GARRE1: variants seen among roughly 807,000 people sequenced by gnomAD.
GARRE1 encodes granule associated Rac and RHOG effector protein 1.
In GARRE1, 49 loss-of-function variants were observed where a neutral mutation model predicts 103.2. The ratio of observed to expected loss-of-function variants is 0.47; its 90% CI spans 0.38 to 0.60. The LOEUF (loss-of-function observed/expected upper bound fraction) is 0.60, where lower values mean the gene tolerates loss of function less well. GARRE1 is among the 20% of genes least tolerant of loss of function. The pLI is 0.00. For synonymous variants in GARRE1, 505 were observed against 532.8 expected (o/e 0.95, Z 0.72); for missense variants, 1,199 against 1,370.5 (o/e 0.87, Z 1.98).
chr19:34,320,589 C>T (rs966682181), intron 3 of GARRE1, among the ~76,000 whole-genome samples: 3 of 152,168 alleles, frequency 2.0e-5, no homozygotes, highest in African/African-American at 7.2e-5. Flanking sequence ...TGACAGGCTC[C>T]AAAGATACAA....
intron 3 of GARRE1, among the ~76,000 whole-genome samples, chr19:34,320,902 T>C (rs2074084578): frequency 7.0e-6 from 1 of 143,472 alleles, no homozygotes; most frequent in Non-Finnish European, 1.5e-5. Context: ...ATTATTATTA[T>C]TACTTTTTTT....
intron 1 of GARRE1, among the ~76,000 whole-genome samples, chr19:34,262,173 C>T (rs538008977): frequency 6.1e-5 from 9 of 147,654 alleles, no homozygotes; most frequent in African/African-American, 2.2e-4. Flanking sequence ...GTAATAGAGG[C>T]GGGGTTTCAC....
rs763240112 is a variant in GARRE1, at chr19:34,352,961, GGCCA to G, written c.*14_*17del. On this transcript the variant is annotated 3_prime_UTR_variant, in exon 14 of 14. Coordinates refer to ENST00000299505, the MANE Select transcript of GARRE1 (RefSeq NM_014686.5). ...CCTATCTGCCCCAGTACTGACCCCA[GGCCA>G]GCCAGCCTGCCTGCCTGCCTGCCTG... is the stretch of plus-strand genomic sequence containing the variant. 6.2e-4 allele frequency: 909 copies of G among 1,468,620 alleles called. 1 individual carries two copies. Among genetic ancestry groups the G allele is most frequent in the Non-Finnish European group, 7.7e-4 (854 of 1,114,962 alleles). 91.0% of individuals were successfully genotyped at this position (1,468,620 alleles called of 1,614,324 possible). A position where few individuals can be genotyped will look rare whatever the true frequency, so the allele number is the denominator to read the frequency against.
intron 1 of GARRE1, among the ~76,000 whole-genome samples, chr19:34,283,439 C>T (rs2073866839): frequency 6.6e-6 from 1 of 152,178 alleles, no homozygotes; most frequent in Non-Finnish European, 1.5e-5. Context: ...AGGCCTGCTT[C>T]CTTTGCTTGC....
chr19:34,335,805 C>T (rs1459410117), intron 8 of GARRE1, among the ~76,000 whole-genome samples: 2 of 152,058 alleles, frequency 1.3e-5, no homozygotes, highest in Admixed American at 6.6e-5. Flanking sequence ...GGTTTACAGG[C>T]GTGAGTCACC....
intron 2 of GARRE1, among the ~76,000 whole-genome samples, chr19:34,308,238 CTTTTTTT>C (rs753284001): frequency 4.0e-5 from 4 of 99,510 alleles, no homozygotes; most frequent in East Asian, 2.8e-4. Flanking sequence ...CATCCTGTTC[CTTTTTTT>C]TTTTTTTTTT....
chr19:34,339,715 C>A, intron 8 of GARRE1, 152 bp from the exon 9 acceptor site: 2 of 831,000 alleles, frequency 2.4e-6, no homozygotes, highest in South Asian at 1.7e-5. Context: ...GTTCCAGGAT[C>A]AGCCCTGTTG....
At chr19:34,296,564 G>A in intron 1 of GARRE1, 3 of 1,592,692 alleles carry the variant, frequency 1.9e-6, no homozygotes, top group Admixed American at 1.7e-5. Flanking sequence ...CCTTGGCATT[G>A]TTGGCCTGCA....
At position 34,329,284 on chromosome 19, in the gene GARRE1, T is replaced by TTGAGA. The variant is rs373036895; in HGVS notation, c.1105-903_1105-899dup. Among the ~76,000 whole-genome samples, 288 of 152,350 alleles carry TTGAGA rather than the reference T, an allele frequency of 1.9e-3. 1 individual carries two copies. The highest frequency in any genetic ancestry group is 6.7e-3 in the African/African-American group (280 of 41,578). ...GACTACTTGGTCATCCAAAATAAAA[T>TTGAGA]TGAGATTTTAATTAGTATTTACTTG... On this transcript the variant is annotated intron_variant, in intron 6 of 13. Transcript: ENST00000299505.
intron 3 of GARRE1, among the ~76,000 whole-genome samples, chr19:34,322,611 G>A (rs763751902): frequency 3.3e-5 from 5 of 151,472 alleles, no homozygotes; most frequent in South Asian, 2.1e-4. Flanking sequence ...TTTTTGAGAC[G>A]GAGTCTTGCT....
At chr19:34,293,593 C>T (rs1051949244) in intron 1 of GARRE1, among the ~76,000 whole-genome samples, 1 of 150,570 alleles carries the variant, frequency 6.6e-6, no homozygotes, top group African/African-American at 2.4e-5. Flanking sequence ...GACAGGGTTT[C>T]GCCATGTTGC....
At chr19:34,284,894 GATAATA>G (rs1599755407) in intron 1 of GARRE1, among the ~76,000 whole-genome samples, 1 of 152,020 alleles carries the variant, frequency 6.6e-6, no homozygotes, top group African/African-American at 2.4e-5. Context: ...TTAAAATAAT[GATAATA>G]ATAATAATTA....
intron 1 of GARRE1, among the ~76,000 whole-genome samples, chr19:34,288,589 A>G (rs750533097): frequency 6.6e-6 from 1 of 152,156 alleles, no homozygotes; most frequent in Non-Finnish European, 1.5e-5. Context: ...TCTACCTCTC[A>G]TATAGTGGAA....
chr19:34,313,577 C>T (rs1160556836), intron 2 of GARRE1, among the ~76,000 whole-genome samples: 1 of 152,140 alleles, frequency 6.6e-6, no homozygotes, highest in Non-Finnish European at 1.5e-5. Context: ...GGATAATGTT[C>T]ATGGAGACTG....
At chr19:34,302,228 G>A (rs1003048000) in intron 2 of GARRE1, among the ~76,000 whole-genome samples, 2 of 148,650 alleles carry the variant, frequency 1.3e-5, no homozygotes, top group African/African-American at 5.0e-5. Context: ...GCAACTTCAG[G>A]TGATCCGCCC....
At position 34,304,345 on chromosome 19, in the gene GARRE1, G is replaced by A. The variant is rs139218569; in HGVS notation, c.495+3377G>A. On this transcript the variant is annotated intron_variant, in intron 2 of 13. Coordinates refer to ENST00000299505, the MANE Select transcript of GARRE1 (RefSeq NM_014686.5). Reference sequence around the variant, plus strand: ...GCCTCAAAATGCTGGGATCACAGGCGTGGGCCACCGTGCTCGGCCATCTTT... The same window carrying A: ...GCCTCAAAATGCTGGGATCACAGGCATGGGCCACCGTGCTCGGCCATCTTT... 6.0e-3 allele frequency among the ~76,000 whole-genome samples: 911 copies of A among 151,226 alleles called. 13 individuals carry two copies. Among genetic ancestry groups the A allele is most frequent in the African/African-American group, 0.021 (875 of 41,030 alleles).
chr19:34,352,761 C>G lies in GARRE1; in HGVS notation c.3019C>G (p.Gln1007Glu). The G allele has an allele frequency of 6.2e-7, 1 of 1,614,142 alleles. No homozygotes were observed. Among genetic ancestry groups the G allele is most frequent in the East Asian group, 2.2e-5 (1 of 44,886 alleles). Residue 1007 changes from glutamine to glutamate, a missense_variant, in exon 14 of 14, where the codon CAG becomes GAG. Physicochemically the swap from Gln to Glu is conservative, Grantham distance 29 (BLOSUM62 2). Transcript: ENST00000299505. ...CTATGCAGTCACCAGCCCTGGCAGCCAGTGGAACGACACCATGCAGATGCT... is the reference window on the plus strand; with the variant it reads ...CTATGCAGTCACCAGCCCTGGCAGCGAGTGGAACGACACCATGCAGATGCT... Reference protein sequence around the residue: ...PLYAVTSPGSQWNDTMQMLQS... With the variant: ...PLYAVTSPGSEWNDTMQMLQS...
intron 10 of GARRE1, among the ~76,000 whole-genome samples, chr19:34,344,681 CT>C (rs558304695): frequency 6.7e-6 from 1 of 150,350 alleles, no homozygotes. Context: ...ACTCCTTTCT[CT>C]TTTTTTTTGA....
At chr19:34,271,873 C>A (rs752011288) in intron 1 of GARRE1, among the ~76,000 whole-genome samples, 2 of 152,020 alleles carry the variant, frequency 1.3e-5, no homozygotes, top group Non-Finnish European at 2.9e-5. Flanking sequence ...GGGCCTGAGC[C>A]TTTGGCAGGC....
Sources: allele counts gnomAD v4.1 joint callset (sites outside exome capture counted in the v4.1 genomes callset), GRCh38; gene constraint gnomAD v4.1.1; transcripts MANE v1.5; gene names NCBI Gene and HGNC (gene_info 2026-07-23, HGNC 2026-07-21).